Variants in KLHL29 observed in about 807,000 individuals in gnomAD.
KLHL29 encodes the protein kelch-like protein 29.
In KLHL29, 21 loss-of-function variants were observed where a neutral mutation model predicts 80.4. The ratio of observed to expected loss-of-function variants is 0.26; its 90% CI spans 0.19 to 0.38. The LOEUF (loss-of-function observed/expected upper bound fraction) is 0.38, where lower values mean the gene tolerates loss of function less well. Among genes scored for constraint, KLHL29 ranks in the 10% least tolerant of loss-of-function variants. The pLI is 1.00. For synonymous variants in KLHL29, 511 were observed against 526.8 expected (o/e 0.97, Z 0.41); for missense variants, 867 against 1,223.9 (o/e 0.71, Z 4.35).
intron 1 of KLHL29, among the ~76,000 whole-genome samples, chr2:23,445,791 A>G (rs1020171398): frequency 4.6e-5 from 7 of 152,252 alleles, no homozygotes; most frequent in African/African-American, 1.4e-4. Context: ...CTTTGCCAAT[A>G]TGATGAATGA....
At chr2:23,566,464 A>G (rs1360317351) in intron 3 of KLHL29, among the ~76,000 whole-genome samples, 5 of 152,250 alleles carry the variant, frequency 3.3e-5, no homozygotes, top group Admixed American at 6.5e-5. Context: ...AGCATTCACC[A>G]TGGTAACCAT....
intron 12 of KLHL29, 142 bp from the exon 13 acceptor site, chr2:23,703,577 G>C: frequency 1.7e-6 from 2 of 1,161,888 alleles, no homozygotes; most frequent in Non-Finnish European, 2.3e-6. Context: ...GGTTCCCCTA[G>C]GCCCCGGACC....
chr2:23,525,232 C>T (rs1007743510), intron 2 of KLHL29, among the ~76,000 whole-genome samples: 7 of 152,242 alleles, frequency 4.6e-5, no homozygotes, highest in African/African-American at 1.7e-4. Context: ...AGGCCAGGCC[C>T]ACGCCTGGAA....
At chr2:23,661,880 T>C (rs1670418434) in intron 5 of KLHL29, among the ~76,000 whole-genome samples, 2 of 152,246 alleles carry the variant, frequency 1.3e-5, no homozygotes, top group Non-Finnish European at 2.9e-5. Flanking sequence ...TGCCCTTGTA[T>C]AGGAGGAGAC....
At chr2:23,387,056 C>T (rs1666201222) in intron 1 of KLHL29, among the ~76,000 whole-genome samples, 1 of 152,162 alleles carries the variant, frequency 6.6e-6, no homozygotes, top group Admixed American at 6.5e-5. Context: ...CCGCCGCTGC[C>T]ATCCCCGCCG....
At chr2:23,528,306 C>T (rs1022100659) in intron 2 of KLHL29, among the ~76,000 whole-genome samples, 2 of 151,996 alleles carry the variant, frequency 1.3e-5, no homozygotes, top group East Asian at 3.9e-4. Context: ...AGCCCTGGGC[C>T]GGTTTGGGGC....
intron 6 of KLHL29, among the ~76,000 whole-genome samples, chr2:23,685,974 A>G (rs1671240509): frequency 6.6e-6 from 1 of 152,218 alleles, no homozygotes; most frequent in Non-Finnish European, 1.5e-5. Flanking sequence ...GTGGTGGGTG[A>G]GAGGAGCACA....
At chr2:23,522,970 C>G (rs1666153391) in intron 2 of KLHL29, among the ~76,000 whole-genome samples, 1 of 151,724 alleles carries the variant, frequency 6.6e-6, no homozygotes, top group African/African-American at 2.4e-5. Context: ...ACCACGAGAG[C>G]AGGTGTTAGA....
intron 2 of KLHL29, among the ~76,000 whole-genome samples, chr2:23,533,001 C>T (rs1184457550): frequency 6.6e-6 from 1 of 152,112 alleles, no homozygotes; most frequent in African/African-American, 2.4e-5. Context: ...AACTCACAGG[C>T]CCCCAAGCTG....
At chr2:23,480,081 A>C (rs1664744550) in intron 2 of KLHL29, among the ~76,000 whole-genome samples, 1 of 152,208 alleles carries the variant, frequency 6.6e-6, no homozygotes, top group Non-Finnish European at 1.5e-5. Flanking sequence ...GTAAAACGGG[A>C]ATAACCACGG....
intron 1 of KLHL29, among the ~76,000 whole-genome samples, chr2:23,424,617 A>C (rs1433484302): frequency 6.6e-6 from 1 of 152,174 alleles, no homozygotes; most frequent in Non-Finnish European, 1.5e-5. Context: ...CATCTATCTG[A>C]TCCAAGTTCT....
At chr2:23,393,617 C>T (rs1478912651) in intron 1 of KLHL29, among the ~76,000 whole-genome samples, 3 of 152,174 alleles carry the variant, frequency 2.0e-5, no homozygotes, top group African/African-American at 7.2e-5. Context: ...TATTTTCCAA[C>T]TTCTTCTGTT....
chr2:23,468,650 C>A (rs942703085), intron 1 of KLHL29, among the ~76,000 whole-genome samples: 2 of 152,160 alleles, frequency 1.3e-5, no homozygotes, highest in Non-Finnish European at 2.9e-5. Context: ...TCCCCACGGC[C>A]GTCTCCAGCC....
chr2:23,425,150 A>G (rs1321994997), intron 1 of KLHL29, among the ~76,000 whole-genome samples: 1 of 152,242 alleles, frequency 6.6e-6, no homozygotes, highest in Admixed American at 6.5e-5. Flanking sequence ...TAATCCTTGA[A>G]TAATATACTC....
intron 1 of KLHL29, among the ~76,000 whole-genome samples, chr2:23,399,051 G>T (rs912888738): frequency 1.3e-5 from 2 of 152,196 alleles, no homozygotes; most frequent in Non-Finnish European, 2.9e-5. Flanking sequence ...GCCATGGAGC[G>T]CTTTGGGTCC....
chr2:23,625,071 C>G (rs1669274977), intron 3 of KLHL29, among the ~76,000 whole-genome samples: 1 of 152,318 alleles, frequency 6.6e-6, no homozygotes, highest in East Asian at 1.9e-4. Flanking sequence ...GAGGCAAGTC[C>G]AGGAGAGCCA....
chr2:23,573,581 T>G (rs1414617762), intron 3 of KLHL29, among the ~76,000 whole-genome samples: 1 of 152,134 alleles, frequency 6.6e-6, no homozygotes, highest in African/African-American at 2.4e-5. Flanking sequence ...GACCGGAAGG[T>G]GCAGCCACAG....
chr2:23,616,829 C>T (rs1669020680), intron 3 of KLHL29: 1 of 152,240 alleles, frequency 6.6e-6, no homozygotes, highest in Non-Finnish European at 1.5e-5. Flanking sequence ...GGGTCATTCA[C>T]AGCAGGGCCC....
intron 1 of KLHL29, among the ~76,000 whole-genome samples, chr2:23,397,879 T>C (rs75481601): frequency 0.033 from 5,063 of 152,274 alleles, 271 homozygotes; most frequent in African/African-American, 0.11. Context: ...TCACTAATCA[T>C]TGGGGAAATG....
Sources: gnomAD v4.1 joint callset for allele counts (sites outside exome capture counted in the v4.1 genomes callset) on GRCh38, gnomAD v4.1.1 for gene constraint, MANE v1.5 for transcripts, NCBI Gene and HGNC (gene_info 2026-07-23, HGNC 2026-07-21) for gene names.